The following DIO1 variants were observed in gnomAD, a reference collection of about 807,000 sequenced individuals.
The protein encoded by DIO1 is type I iodothyronine deiodinase.
Under a neutral mutation model 25.9 loss-of-function variants are expected in DIO1, and 17 were observed. That is an observed-to-expected ratio of 0.66 (90% CI 0.45 to 0.98). The LOEUF (loss-of-function observed/expected upper bound fraction) is 0.98, where lower values mean the gene tolerates loss of function less well. Ranked by LOEUF, DIO1 falls within the 50% of genes least tolerant of loss-of-function variation. DIO1 has a pLI of 0.00. For missense variants in DIO1, 270 were observed against 310.4 expected (o/e 0.87, Z 0.98); for synonymous variants, 115 against 114.0 (o/e 1.01, Z -0.05).
intron 2 of DIO1, among the ~76,000 whole-genome samples, chr1:53,905,096 A>G (rs1194508637): frequency 6.6e-6 from 1 of 152,146 alleles, no homozygotes; most frequent in African/African-American, 2.4e-5. Flanking sequence ...AGGGAGAAGA[A>G]CTGATTTGAA....
At position 53,910,525 on chromosome 1, in the gene DIO1, TGAG is replaced by T. The variant is rs1651895630; in HGVS notation, c.*530_*532del. 6.4e-6 allele frequency: 1 copy of T among 157,358 alleles called. No homozygotes were observed. Among genetic ancestry groups the T allele is most frequent in the Non-Finnish European group, 1.4e-5 (1 of 70,674 alleles). 9.7% of individuals were successfully genotyped at this position (157,358 alleles called of 1,614,324 possible). On this transcript the variant is annotated 3_prime_UTR_variant, in exon 4 of 4. Transcript: ENST00000361921. ...AAGAATTCCAGTTGTTAGGAAGAGA[TGAG>T]GAGTTGGAAGAGGAGGGATTAGAAA...
At chr1:53,898,026 A>C (rs1651167282) in intron 1 of DIO1, among the ~76,000 whole-genome samples, 2 of 152,230 alleles carry the variant, frequency 1.3e-5, no homozygotes, top group Admixed American at 6.5e-5. Context: ...CTGCCCTGGA[A>C]GGCCTCATAA....
intron 2 of DIO1, among the ~76,000 whole-genome samples, chr1:53,905,157 T>A (rs56057904): frequency 0.14 from 20,668 of 150,196 alleles, 1,728 homozygotes; most frequent in African/African-American, 0.24. Context: ...AATGACGGCC[T>A]TATGGCTATT....
rs760352850 is a variant in DIO1, at chr1:53,909,969, T to G, written c.720T>G (p.Val240=). 9.3e-6 allele frequency: 15 copies of G among 1,614,210 alleles called. No homozygotes were observed. The South Asian group carries it at 1.6e-4, about 18-fold the overall frequency. The change falls in exon 4 of 4, where the codon GTT becomes GTG. Residue 240 remains valine (V), a synonymous_variant. Transcript: ENST00000361921. The part of the protein sequence containing the change: ...SGPWNYNPEE[V]RAVLEKLHS ...CTTGGAACTACAACCCAGAGGAAGTTCGTGCTGTTCTGGAAAAGCTCCACA... is the reference window on the plus strand; with the variant it reads ...CTTGGAACTACAACCCAGAGGAAGTGCGTGCTGTTCTGGAAAAGCTCCACA...
Position 53,910,098 on chromosome 1 carries a change from C to T in DIO1, c.*99C>T. The T allele has an allele frequency of 9.9e-7, 1 of 1,005,658 alleles. No homozygotes were observed. The highest frequency in any genetic ancestry group is 1.6e-6 in the Non-Finnish European group (1 of 634,392). The allele number at this position is 1,005,658 out of a possible 1,614,324, so 62.3% of individuals were successfully genotyped here. On this transcript the variant is annotated 3_prime_UTR_variant, in exon 4 of 4. Coordinates refer to ENST00000361921, the MANE Select transcript of DIO1 (RefSeq NM_000792.7). ...TGGCTTTTACCCTTGACCTGTGTCC[C>T]TAGCTGAATCACTAGCTCAGATTTT... is the stretch of plus-strand genomic sequence containing the variant.
chr1:53,900,676 C>T (rs908891141), intron 1 of DIO1, among the ~76,000 whole-genome samples: 1 of 152,122 alleles, frequency 6.6e-6, no homozygotes, highest in Non-Finnish European at 1.5e-5. Flanking sequence ...CTTTGCAGAA[C>T]ACAGAGGGGG....
intron 3 of DIO1, among the ~76,000 whole-genome samples, chr1:53,909,433 G>A (rs1371128898): frequency 2.0e-5 from 3 of 152,002 alleles, no homozygotes; most frequent in African/African-American, 7.2e-5. Flanking sequence ...AAAGAAAAAA[G>A]TTCACTGGTT....
Position 53,906,215 on chromosome 1 carries a change from T to C in DIO1, c.602T>C (p.Met201Thr), listed in dbSNP as rs751549145. ...CAGTGCCCTGTGGTGGTGGACACCA[T>C]GCAGAACCAGAGCAGCCAGCTCTAC... ...SPQCPVVVDTMQNQSSQLYAA... is the reference protein window; with the variant it reads ...SPQCPVVVDTTQNQSSQLYAA... Residue 201 changes from methionine (M) to threonine (T), a missense_variant, in exon 3 of 4, where the codon ATG becomes ACG. Physicochemically the swap from Met to Thr is moderately conservative, Grantham distance 81 (BLOSUM62 -1). Coordinates refer to ENST00000361921, the MANE Select transcript of DIO1 (RefSeq NM_000792.7). 1.9e-6 allele frequency: 3 copies of C among 1,614,190 alleles called. No individual in the cohort carries two copies. Among genetic ancestry groups the C allele is most frequent in the East Asian group, 4.5e-5 (2 of 44,888 alleles).
rs1249712380 is a variant in DIO1 at position 53,909,807 on chromosome 1, C to T, written c.682-124C>T. ...CGGTTGCATCTGCCATTGAATTAGC[C>T]ATGCTGATGGCTCCTACACAGACAT... On this transcript the variant is annotated intron_variant, in intron 3 of 3. Transcript: ENST00000361921. The T allele has an allele frequency of 8.2e-6, 7 of 854,250 alleles. No homozygotes were observed. The African/African-American group carries it at 9.9e-5, about 12-fold the overall frequency. 52.9% of individuals were successfully genotyped at this position (854,250 alleles called of 1,614,324 possible).
At chr1:53,901,518 G>A (rs145821815) in intron 1 of DIO1, among the ~76,000 whole-genome samples, 100 of 152,200 alleles carry the variant, frequency 6.6e-4, no homozygotes, top group East Asian at 2.7e-3. Context: ...GAATTCTGCC[G>A]TCTCAATGAC....
chr1:53,902,289 C>T (rs531812897), intron 1 of DIO1, among the ~76,000 whole-genome samples: 2 of 151,842 alleles, frequency 1.3e-5, no homozygotes, highest in African/African-American at 2.4e-5. Flanking sequence ...TAGCCTCTCT[C>T]GTAACACTGA....
At chr1:53,898,362 C>G (rs907898151) in intron 1 of DIO1, among the ~76,000 whole-genome samples, 2 of 152,086 alleles carry the variant, frequency 1.3e-5, no homozygotes, top group African/African-American at 4.8e-5. Context: ...CCTTGTGTGT[C>G]GTAGCTGCAG....
intron 1 of DIO1, among the ~76,000 whole-genome samples, chr1:53,896,300 C>T (rs887236235): frequency 2.0e-5 from 3 of 147,246 alleles, no homozygotes; most frequent in African/African-American, 7.6e-5. Flanking sequence ...TCACTGCATC[C>T]TCGATTTACC....
intron 3 of DIO1, 135 bp downstream of exon 3, chr1:53,906,429 C>T (rs1034432803): frequency 1.6e-5 from 12 of 737,220 alleles, no homozygotes; most frequent in East Asian, 2.7e-5. Flanking sequence ...TGACCATGGG[C>T]GAGTGCTTTC....
In DIO1 at chr1:53,910,814, T is replaced by C. The variant is rs926634277; in HGVS notation, c.*815T>C. 8 of 152,480 alleles carry C rather than the reference T, an allele frequency of 5.2e-5. No individual in the cohort carries two copies. Among genetic ancestry groups the C allele is most frequent in the Non-Finnish European group, 7.3e-5 (5 of 68,040 alleles). The allele number at this position is 152,480 out of a possible 1,614,324, so 9.4% of individuals were successfully genotyped here. A position where few individuals can be genotyped will look rare whatever the true frequency, so the allele number is the denominator to read the frequency against. ...GCATAACCTTGACCAAACCAAACAA[T>C]AGGCACCAGCAATGCTGTCATTCAG... On this transcript the variant is annotated 3_prime_UTR_variant, in exon 4 of 4. Transcript: ENST00000361921.
In DIO1 at chr1:53,894,648, C is replaced by A; in HGVS notation, c.337+101C>A. 8.7e-7 allele frequency: 1 copy of A among 1,149,522 alleles called. No individual in the cohort carries two copies. The highest frequency in any genetic ancestry group is 1.2e-6 in the Non-Finnish European group (1 of 826,454). 71.2% of individuals were successfully genotyped at this position (1,149,522 alleles called of 1,614,324 possible). Reference sequence around the variant, plus strand: ...GTCCTGAATTCTCCTACTACTTTTGCTGCTCCTTTTGGACCTTCTTGTCCT... The same window carrying A: ...GTCCTGAATTCTCCTACTACTTTTGATGCTCCTTTTGGACCTTCTTGTCCT... On this transcript the variant is annotated intron_variant, in intron 1 of 3. Coordinates refer to ENST00000361921, the MANE Select transcript of DIO1 (RefSeq NM_000792.7). This position sits in a 1 kb window ranked among gnomAD's most constrained non-coding sequence, Gnocchi z 4.9.
intron 1 of DIO1, among the ~76,000 whole-genome samples, chr1:53,900,864 A>T (rs2100767155): frequency 6.6e-6 from 1 of 151,978 alleles, no homozygotes; most frequent in East Asian, 1.9e-4. Flanking sequence ...GCCCAGGCTG[A>T]AGGGCAATGG....
chr1:53,902,034 C>T (rs1016968386), intron 1 of DIO1, among the ~76,000 whole-genome samples: 11 of 149,386 alleles, frequency 7.4e-5, no homozygotes, highest in Non-Finnish European at 2.9e-5. Context: ...CTGCTCTGGT[C>T]CATCCCTAAC....
rs1462538754 is a variant in DIO1, at chr1:53,894,780, C to A, written c.337+233C>A. On this transcript the variant is annotated intron_variant, in intron 1 of 3. Transcript: ENST00000361921. This position sits in a 1 kb window ranked among gnomAD's most constrained non-coding sequence, Gnocchi z 4.9. ...AACCATCCAGTCTGGCATTTCAGCC[C>A]CTGGAACACTGCTCTTACTGTACAG... Among the ~76,000 whole-genome samples, 1 of 152,152 alleles carries A rather than the reference C, an allele frequency of 6.6e-6. No individual in the cohort carries two copies. The highest frequency in any genetic ancestry group is 2.1e-4 in the South Asian group (1 of 4,832).
Sources: allele counts gnomAD v4.1 joint callset (sites outside exome capture counted in the v4.1 genomes callset), GRCh38; gene constraint gnomAD v4.1.1; non-coding constraint Gnocchi (gnomAD v3.1); transcripts MANE v1.5; gene names NCBI Gene and HGNC (gene_info 2026-07-23, HGNC 2026-07-21).